PTGER4: variants seen among roughly 807,000 people sequenced by gnomAD.
PTGER4 encodes the protein prostaglandin E2 receptor EP4 subtype.
Under a neutral mutation model 33.2 loss-of-function variants are expected in PTGER4, and 11 were observed. The observed-to-expected ratio is 0.33, with a 90% confidence interval of 0.21 to 0.55. The LOEUF (loss-of-function observed/expected upper bound fraction) is 0.55. PTGER4 is among the 20% of genes least tolerant of loss of function. The probability of loss-of-function intolerance (pLI) is 0.92; values close to 1 mark genes in which losing one functional copy is unlikely to be tolerated. For missense variants in PTGER4, 481 were observed against 650.2 expected (o/e 0.74, Z 2.83); for synonymous variants, 275 against 281.5 (o/e 0.98, Z 0.23).
the PTGER4 span, among the ~76,000 whole-genome samples, chr5:40,705,266 A>G: frequency 6.6e-6 from 1 of 152,362 alleles, no homozygotes; most frequent in East Asian, 1.9e-4. Context: ...ATAACCAGCT[A>G]GCCATATGCA....
At chr5:40,710,780 A>G in the PTGER4 span, among the ~76,000 whole-genome samples, 19 of 152,190 alleles carry the variant, frequency 1.2e-4, no homozygotes, top group African/African-American at 4.1e-4. Context: ...CTTTGTAGGG[A>G]CATGGATGAA....
At chr5:40,709,043 A>G in the PTGER4 span, among the ~76,000 whole-genome samples, 3 of 152,208 alleles carry the variant, frequency 2.0e-5, no homozygotes, top group African/African-American at 7.2e-5. Flanking sequence ...CAAAATAATA[A>G]GAGCTATCTA....
rs1414407663 is a variant in PTGER4, at chr5:40,680,757, G to A, written c.-43-194G>A. ...TTTATAAATATTAATGTCAGCAAGA[G>A]TGTGCTGTTGGCAGGACGTATCGCG... On this transcript the variant is annotated intron_variant, in intron 1 of 2. Transcript: ENST00000302472. The surrounding 1 kb of genome is among the most constrained non-coding windows in gnomAD (Gnocchi z 5.5). 5.9e-5 allele frequency among the ~76,000 whole-genome samples: 9 copies of A among 152,198 alleles called. No homozygotes were observed. Among genetic ancestry groups the A allele is most frequent in the African/African-American group, 2.2e-4 (9 of 41,452 alleles).
intron 2 of PTGER4, among the ~76,000 whole-genome samples, chr5:40,690,616 A>G (rs1741443778): frequency 6.6e-6 from 1 of 152,244 alleles, no homozygotes. Context: ...TTCTCTGGTC[A>G]TTCTGGGTAA....
chr5:40,731,185 T>C, the PTGER4 span, among the ~76,000 whole-genome samples: 1 of 152,194 alleles, frequency 6.6e-6, no homozygotes, highest in Non-Finnish European at 1.5e-5. Flanking sequence ...GTAGCAGTAA[T>C]AAATTCTGCA....
downstream of PTGER4, among the ~76,000 whole-genome samples, chr5:40,694,787 C>G (rs1304550151): frequency 1.3e-5 from 2 of 152,194 alleles, no homozygotes; most frequent in Non-Finnish European, 2.9e-5. Flanking sequence ...ATTGTTGAGC[C>G]TGATTTATTC....
the PTGER4 span, chr5:40,728,357 T>G: frequency 5.0e-6 from 8 of 1,590,842 alleles, no homozygotes; most frequent in Non-Finnish European, 6.9e-6. Context: ...GGATTATCTC[T>G]CCTAAACCAA....
At chr5:40,722,453 G>T in the PTGER4 span, among the ~76,000 whole-genome samples, 2 of 151,744 alleles carry the variant, frequency 1.3e-5, no homozygotes, top group Non-Finnish European at 2.9e-5. Flanking sequence ...TCCAGTCTAG[G>T]AAGTGAGGAG....
the PTGER4 span, among the ~76,000 whole-genome samples, chr5:40,708,407 T>C: frequency 6.6e-6 from 1 of 152,172 alleles, no homozygotes; most frequent in Non-Finnish European, 1.5e-5. Context: ...TAAACACCTC[T>C]ATGCAAATAA....
At chr5:40,695,884 A>G (rs1055500783), downstream of PTGER4, among the ~76,000 whole-genome samples, 3 of 152,212 alleles carry the variant, frequency 2.0e-5, no homozygotes, top group Non-Finnish European at 4.4e-5. Context: ...CAATGGGTAC[A>G]CATGGTCATA....
At chr5:40,731,490 G>A in the PTGER4 span, among the ~76,000 whole-genome samples, 1 of 152,190 alleles carries the variant, frequency 6.6e-6, no homozygotes, top group Non-Finnish European at 1.5e-5. Flanking sequence ...GAGGCCTCAG[G>A]AAACTTACAA....
the PTGER4 span, among the ~76,000 whole-genome samples, chr5:40,729,669 C>G: frequency 6.6e-6 from 1 of 152,006 alleles, no homozygotes; most frequent in Non-Finnish European, 1.5e-5. Flanking sequence ...CATCTAAGAG[C>G]TCAACAGTGA....
chr5:40,689,629 A>C (rs1307129391), intron 2 of PTGER4, among the ~76,000 whole-genome samples: 2 of 152,164 alleles, frequency 1.3e-5, no homozygotes, highest in African/African-American at 4.8e-5. Context: ...GCCTCAACTA[A>C]ACTGTCCCTG....
the PTGER4 span, chr5:40,728,444 T>G: frequency 3.1e-6 from 5 of 1,612,506 alleles, no homozygotes; most frequent in Non-Finnish European, 3.4e-6. Context: ...CTGCATGTAC[T>G]GCTGGGAACA....
At chr5:40,737,075 C>T in the PTGER4 span, among the ~76,000 whole-genome samples, 100 of 152,170 alleles carry the variant, frequency 6.6e-4, no homozygotes, top group African/African-American at 1.9e-3. Context: ...GCAGGAAGAT[C>T]GCCTGAGCCC....
chr5:40,723,640 G>A, the PTGER4 span, among the ~76,000 whole-genome samples: 3 of 152,094 alleles, frequency 2.0e-5, no homozygotes, highest in African/African-American at 4.8e-5. Context: ...CATGGTGGGC[G>A]GATCACCTGA....
chr5:40,696,438 G>A (rs919490263), downstream of PTGER4, among the ~76,000 whole-genome samples: 1 of 152,122 alleles, frequency 6.6e-6, no homozygotes, highest in African/African-American at 2.4e-5. Flanking sequence ...CCAGACACAT[G>A]AGAAATAGAA....
At chr5:40,690,687 G>T (rs1743196510) in intron 2 of PTGER4, among the ~76,000 whole-genome samples, 1 of 152,168 alleles carries the variant, frequency 6.6e-6, no homozygotes, top group Admixed American at 6.5e-5. Context: ...TAGAATAAAA[G>T]AATCTTGGCC....
chr5:40,714,488 T>C, the PTGER4 span: 3 of 152,202 alleles, frequency 2.0e-5, no homozygotes, highest in African/African-American at 7.2e-5. Flanking sequence ...AGAAAAAAAC[T>C]ATTTATTCAC....
Sources: allele counts gnomAD v4.1 joint callset (sites outside exome capture counted in the v4.1 genomes callset), GRCh38; gene constraint gnomAD v4.1.1; non-coding constraint Gnocchi (gnomAD v3.1); transcripts MANE v1.5; gene names NCBI Gene and HGNC (gene_info 2026-07-23, HGNC 2026-07-21).